Variants in TTL observed in about 807,000 individuals in gnomAD.
TTL encodes tubulin tyrosine ligase, also known as tubulin--tyrosine ligase.
In TTL, 10 loss-of-function variants were observed where a neutral mutation model predicts 41.1. The observed-to-expected ratio is 0.24, with a 90% CI of 0.15 to 0.41. TTL has a LOEUF of 0.41. Ranked by LOEUF, TTL falls within the 10% of genes least tolerant of loss-of-function variation. The pLI is 1.00. For synonymous variants in TTL, 175 were observed against 175.5 expected, an observed-to-expected ratio of 1.00 and a Z score of 0.02; for missense variants, 367 against 460.4, an observed-to-expected ratio of 0.80 and a Z score of 1.86.
chr2:112,513,553 G>A (rs908733805), intron 5 of TTL, among the ~76,000 whole-genome samples: 2 of 147,418 alleles, frequency 1.4e-5, no homozygotes, highest in Non-Finnish European at 3.0e-5. Context: ...TATTTTCACT[G>A]GATTTATACA....
Position 112,529,989 on chromosome 2 carries a change from A to G in TTL, c.*1194A>G, listed in dbSNP as rs1244431135. The G allele has an allele frequency of 5.7e-5, 13 of 228,976 alleles. No individual in the cohort carries two copies. The allele number at this position is 228,976 out of a possible 1,614,324, so 14.2% of individuals were successfully genotyped here. A position where few individuals can be genotyped will look rare whatever the true frequency, so the allele number is the denominator to read the frequency against. ...CTTTATAGGCTTTTCAGGAGGCCAC[A>G]TCACTAGCAGTAGGGAGAACAAGAT... is the stretch of plus-strand genomic sequence containing the variant. On this transcript the variant is annotated 3_prime_UTR_variant, in exon 7 of 7. Coordinates refer to ENST00000233336, the MANE Select transcript of TTL (RefSeq NM_153712.5).
intron 2 of TTL, among the ~76,000 whole-genome samples, chr2:112,490,137 C>T (rs536975432): frequency 2.6e-5 from 4 of 152,216 alleles, no homozygotes; most frequent in South Asian, 4.1e-4. Context: ...AGCACAAGGC[C>T]GGATGTGGTG....
At position 112,493,570 on chromosome 2, in the gene TTL, A is replaced by T. The variant is rs80080550; in HGVS notation, c.237-573A>T. ...GCCTGACTTTATCTTCTGTGGTGTT[A>T]TGGTATTTGGGGAGCAGGAGGTATA... On this transcript the variant is annotated intron_variant, in intron 2 of 6. Transcript: ENST00000233336. Among the ~76,000 whole-genome samples, 345 of 152,254 alleles carry T rather than the reference A, an allele frequency of 2.3e-3. 1 individual carries two copies. Among genetic ancestry groups the T allele is most frequent in the African/African-American group, 7.7e-3 (318 of 41,536 alleles).
At chr2:112,527,287 C>T (rs1228117991) in intron 6 of TTL, among the ~76,000 whole-genome samples, 3 of 152,172 alleles carry the variant, frequency 2.0e-5, no homozygotes, top group African/African-American at 7.2e-5. Flanking sequence ...GATGTAGATT[C>T]TGTTGATTTG....
rs1032629157 is a variant in TTL, at chr2:112,535,715, C to T, written c.*6920C>T. Reference sequence around the variant, plus strand: ...ATTAAATGCAAATGAATTAAATACTCCAATCAGAAGGTAGAGATTGGCAAA... The same window carrying T: ...ATTAAATGCAAATGAATTAAATACTTCAATCAGAAGGTAGAGATTGGCAAA... On this transcript the variant is annotated 3_prime_UTR_variant, in exon 7 of 7. Coordinates refer to ENST00000233336, the MANE Select transcript of TTL (RefSeq NM_153712.5). The T allele has an allele frequency of 7.1e-6, 1 of 140,062 alleles. No individual in the cohort carries two copies. The highest frequency in any genetic ancestry group is 2.7e-5 in the African/African-American group (1 of 37,482). The allele number at this position is 140,062 out of a possible 1,614,324, so 8.7% of individuals were successfully genotyped here. A position where few individuals can be genotyped will look rare whatever the true frequency, so the allele number is the denominator to read the frequency against.
At chr2:112,483,734 G>A (rs1681158652) in intron 1 of TTL, 1 of 152,264 alleles carries the variant, frequency 6.6e-6, no homozygotes, top group African/African-American at 2.4e-5. Context: ...GCAGTGTAAA[G>A]TTGCTGGATT....
chr2:112,484,135 C>T (rs1190839892), intron 1 of TTL, among the ~76,000 whole-genome samples: 2 of 151,808 alleles, frequency 1.3e-5, no homozygotes, highest in African/African-American at 4.8e-5. Context: ...GTGCTTAAGC[C>T]TAGGAGTGAG....
At chr2:112,528,112 C>G (rs539911266) in intron 6 of TTL, among the ~76,000 whole-genome samples, 1 of 152,254 alleles carries the variant, frequency 6.6e-6, no homozygotes, top group East Asian at 1.9e-4. Context: ...GTTGAAAATT[C>G]TTTTCTTTAA....
rs971575832 is a variant in TTL, at chr2:112,536,606, T to C, written c.*7811T>C. 6 of 152,282 alleles carry C rather than the reference T, an allele frequency of 3.9e-5. No individual in the cohort carries two copies. The highest frequency in any genetic ancestry group is 7.3e-5 in the Non-Finnish European group (5 of 68,028). The allele number at this position is 152,282 out of a possible 1,614,324, so 9.4% of individuals were successfully genotyped here. ...CAGGTTTGTTACATGGGTCCTGAGGTTGGGGTACAGATCCCATTACCCAAG... is the reference window on the plus strand; with the variant it reads ...CAGGTTTGTTACATGGGTCCTGAGGCTGGGGTACAGATCCCATTACCCAAG... On this transcript the variant is annotated 3_prime_UTR_variant, in exon 7 of 7. Transcript: ENST00000233336.
Position 112,530,508 on chromosome 2 carries a change from T to C in TTL, c.*1713T>C, listed in dbSNP as rs921582975. On this transcript the variant is annotated 3_prime_UTR_variant, in exon 7 of 7. Transcript: ENST00000233336. ...CCAACGCAGCCGATGGGTTGGTGTT[T>C]GGGAAATTCTGAGATGGGAGTGAGA... is the stretch of plus-strand genomic sequence containing the variant. 3.1e-5 allele frequency: 7 copies of C among 228,690 alleles called. No homozygotes were observed. Among genetic ancestry groups the C allele is most frequent in the Non-Finnish European group, 6.1e-5 (7 of 115,256 alleles). The allele number at this position is 228,690 out of a possible 1,614,324, so 14.2% of individuals were successfully genotyped here. A position where few individuals can be genotyped will look rare whatever the true frequency, so the allele number is the denominator to read the frequency against.
intron 5 of TTL, among the ~76,000 whole-genome samples, chr2:112,513,290 A>G (rs1681974516): frequency 6.6e-6 from 1 of 152,120 alleles, no homozygotes. Context: ...GGAGAAAAAT[A>G]TTCTTTTATA....
intron 6 of TTL, chr2:112,521,093 C>T: frequency 2.4e-6 from 2 of 828,126 alleles, no homozygotes; most frequent in Non-Finnish European, 2.9e-6. Flanking sequence ...GAGAAGGCAT[C>T]TTAGACATGG....
chr2:112,502,731 T>A (rs1047419585), intron 4 of TTL, among the ~76,000 whole-genome samples, 181 bp from the exon 5 acceptor site: 1 of 152,184 alleles, frequency 6.6e-6, no homozygotes, highest in Non-Finnish European at 1.5e-5. Flanking sequence ...ATTGTAGTGA[T>A]AACTCACTAT....
rs1177823639 is a variant in TTL, at chr2:112,482,331, C to T, written c.-14C>T. Reference sequence around the variant, plus strand: ...CGGCGGCTGCCCGGCGGCCCGGGCGCGCGGCGCTTCGCCATGTACACCTTC... The same window carrying T: ...CGGCGGCTGCCCGGCGGCCCGGGCGTGCGGCGCTTCGCCATGTACACCTTC... On this transcript the variant is annotated 5_prime_UTR_variant, in exon 1 of 7. Transcript: ENST00000233336. This position sits in a 1 kb window ranked among gnomAD's most constrained non-coding sequence, Gnocchi z 5.3. 1 of 1,493,422 alleles carries T rather than the reference C, an allele frequency of 6.7e-7. No individual in the cohort carries two copies. Among genetic ancestry groups the T allele is most frequent in the Non-Finnish European group, 8.9e-7 (1 of 1,117,468 alleles). The allele number at this position is 1,493,422 out of a possible 1,614,324, so 92.5% of individuals were successfully genotyped here.
At chr2:112,502,650 A>T (rs1681733212) in intron 4 of TTL, among the ~76,000 whole-genome samples, 1 of 130,682 alleles carries the variant, frequency 7.7e-6, no homozygotes, top group South Asian at 2.6e-4. Context: ...AAAAAAAAAA[A>T]AAATCATCTG....
chr2:112,523,472 G>A (rs1393981383), intron 6 of TTL, among the ~76,000 whole-genome samples: 1 of 151,416 alleles, frequency 6.6e-6, no homozygotes, highest in Admixed American at 6.6e-5. Context: ...GTCTTCCCCT[G>A]TCACTGGGGA....
chr2:112,524,856 G>A (rs1281542013), intron 6 of TTL, among the ~76,000 whole-genome samples: 2 of 152,120 alleles, frequency 1.3e-5, no homozygotes, highest in African/African-American at 2.4e-5. Flanking sequence ...TAGACATGAA[G>A]TCCTTTCCCA....
intron 5 of TTL, among the ~76,000 whole-genome samples, chr2:112,511,569 TC>T (rs1474634209): frequency 6.6e-6 from 1 of 151,994 alleles, no homozygotes; most frequent in Non-Finnish European, 1.5e-5. Flanking sequence ...TCTTTTTTTT[TC>T]TTTCTCTTTT....
In TTL at chr2:112,541,697, C is replaced by A; in HGVS notation, c.*12902C>A. 4.7e-6 allele frequency: 1 copy of A among 211,258 alleles called. No individual in the cohort carries two copies. The allele number at this position is 211,258 out of a possible 1,614,324, so 13.1% of individuals were successfully genotyped here. The stretch of plus-strand genomic sequence containing the variant: ...GGTTTATTGTATGCCAGTTATAACG[C>A]AATATAGCTGTTAAACACAAACACA... On this transcript the variant is annotated 3_prime_UTR_variant, in exon 7 of 7. Coordinates refer to ENST00000233336, the MANE Select transcript of TTL (RefSeq NM_153712.5).
Sources: allele counts gnomAD v4.1 joint callset (sites outside exome capture counted in the v4.1 genomes callset), GRCh38; gene constraint gnomAD v4.1.1; non-coding constraint Gnocchi (gnomAD v3.1); transcripts MANE v1.5; gene names NCBI Gene and HGNC (gene_info 2026-07-23, HGNC 2026-07-21).